Variants in WWOX observed in about 807,000 individuals in gnomAD.
The protein encoded by WWOX is WW domain containing oxidoreductase.
In WWOX, 69 loss-of-function variants were observed where a neutral mutation model predicts 46.2. The observed-to-expected ratio is 1.49, with a 90% CI of 1.23 to 1.82. WWOX has a LOEUF of 1.82. Among genes scored for constraint, WWOX ranks in the 40% most tolerant of loss-of-function variants. WWOX has a pLI of 0.00. For synonymous variants in WWOX, 359 were observed against 202.6 expected (o/e 1.77, Z -6.56); for missense variants, 919 against 542.6 (o/e 1.69, Z -6.89).
In WWOX at chr16:78,545,954, G is replaced by T. The variant is rs534658420; in HGVS notation, c.1056+113202G>T. Among the ~76,000 whole-genome samples, 5 of 152,224 alleles carry T rather than the reference G, an allele frequency of 3.3e-5. No individual in the cohort carries two copies. In the East Asian group the frequency reaches 9.7e-4, roughly 29 times the overall value. On this transcript the variant is annotated intron_variant, in intron 8 of 8. Transcript: ENST00000566780. ...ATTTAACTTAGTTACCCTTTCAAAG[G>T]CTTTGTCTTGAAATACAGTCACATG...
At chr16:78,851,304 T>C (rs2052437457) in intron 8 of WWOX, among the ~76,000 whole-genome samples, 1 of 152,162 alleles carries the variant, frequency 6.6e-6, no homozygotes, top group African/African-American at 2.4e-5. Flanking sequence ...AATTATCACA[T>C]AGTTTGAAAT....
chr16:79,039,977 C>T (rs539228822), intron 8 of WWOX, among the ~76,000 whole-genome samples: 2 of 152,150 alleles, frequency 1.3e-5, no homozygotes, highest in Non-Finnish European at 2.9e-5. Flanking sequence ...TACGATCATG[C>T]TGGTACATTT....
chr16:78,443,274 C>T (rs1007722945), intron 8 of WWOX, among the ~76,000 whole-genome samples: 1 of 151,860 alleles, frequency 6.6e-6, no homozygotes, highest in African/African-American at 2.4e-5. Flanking sequence ...CACTGCACTC[C>T]AGCCTGGGTG....
intron 8 of WWOX, among the ~76,000 whole-genome samples, chr16:78,780,078 G>A (rs2050286274): frequency 6.6e-6 from 1 of 152,220 alleles, no homozygotes; most frequent in Admixed American, 6.5e-5. Context: ...ATAAATTAAT[G>A]GTGTGGCCAT....
chr16:78,438,690 C>G (rs1441143261), intron 8 of WWOX, among the ~76,000 whole-genome samples: 1 of 152,128 alleles, frequency 6.6e-6, no homozygotes. Flanking sequence ...ACTGCATTTT[C>G]AAATCATTTT....
intron 8 of WWOX, among the ~76,000 whole-genome samples, chr16:78,773,584 C>T (rs985185652): frequency 6.6e-6 from 1 of 152,170 alleles, no homozygotes; most frequent in Non-Finnish European, 1.5e-5. Flanking sequence ...ATTCATAGCT[C>T]CGCACTCGTG....
At chr16:78,385,829 C>T (rs888211001) in intron 5 of WWOX, among the ~76,000 whole-genome samples, 2 of 152,188 alleles carry the variant, frequency 1.3e-5, no homozygotes, top group Non-Finnish European at 2.9e-5. Context: ...GCAGGTGGCC[C>T]TGTGTTCTTG....
chr16:78,726,071 T>TTCCCTCTCTCCCTCTTCCTCCCTCCC (rs2048824668), intron 8 of WWOX, among the ~76,000 whole-genome samples: 1 of 96,560 alleles, frequency 1.0e-5, no homozygotes, highest in Non-Finnish European at 2.2e-5. Context: ...CCTGCTTCCC[T>TTCCCTCTCTCCCTCTTCCTCCCTCCC]TCCCTCCCTC....
chr16:78,991,759 G>T (rs144903740), intron 8 of WWOX, among the ~76,000 whole-genome samples: 2 of 152,086 alleles, frequency 1.3e-5, no homozygotes. Flanking sequence ...AGGAAGGTGA[G>T]GGGCTTAACA....
intron 4 of WWOX, among the ~76,000 whole-genome samples, chr16:78,137,368 G>T (rs1021784617): frequency 6.6e-6 from 1 of 152,044 alleles, no homozygotes; most frequent in South Asian, 2.1e-4. Context: ...CTTTCACCCC[G>T]GAGTCTCAGT....
chr16:78,667,335 C>G (rs917859325), intron 8 of WWOX, among the ~76,000 whole-genome samples: 2 of 152,094 alleles, frequency 1.3e-5, no homozygotes, highest in South Asian at 2.1e-4. Flanking sequence ...TGGGTTATCT[C>G]AATATATATC....
At chr16:78,285,941 C>T (rs370839181) in intron 5 of WWOX, among the ~76,000 whole-genome samples, 5 of 152,276 alleles carry the variant, frequency 3.3e-5, no homozygotes, top group Admixed American at 6.5e-5. Flanking sequence ...TTATTACTTG[C>T]GACCTAAAGC....
At position 78,568,015 on chromosome 16, in the gene WWOX, G is replaced by A. The variant is rs115375938; in HGVS notation, c.1056+135263G>A. On this transcript the variant is annotated intron_variant, in intron 8 of 8. Transcript: ENST00000566780. ...ATCTAGAGCCTCTGTTCACTACTCC[G>A]CGAATTGAAGGCGGCAGGAGTCTTT... 5.1e-3 allele frequency among the ~76,000 whole-genome samples: 777 copies of A among 152,254 alleles called. 9 individuals carry two copies. The highest frequency in any genetic ancestry group is 0.018 in the African/African-American group (739 of 41,538).
At chr16:78,427,390 ACTT>A (rs2083107748) in intron 7 of WWOX, among the ~76,000 whole-genome samples, 1 of 152,150 alleles carries the variant, frequency 6.6e-6, no homozygotes, top group Non-Finnish European at 1.5e-5. Context: ...TGAGAAGTTG[ACTT>A]CTTTGCTGTG....
chr16:78,222,600 G>C (rs1208874883), intron 5 of WWOX, among the ~76,000 whole-genome samples: 1 of 152,150 alleles, frequency 6.6e-6, no homozygotes, highest in East Asian at 1.9e-4. Flanking sequence ...GACTCCCTGT[G>C]AACAGCACTT....
At chr16:78,272,772 A>G (rs4477719) in intron 5 of WWOX, among the ~76,000 whole-genome samples, 55,643 of 151,898 alleles carry the variant, frequency 0.37, 10,410 homozygotes, top group East Asian at 0.47. Flanking sequence ...CTAGTAATAA[A>G]ATCAGGATAA....
intron 6 of WWOX, among the ~76,000 whole-genome samples, chr16:78,392,859 TCA>T (rs1211568093): frequency 6.6e-6 from 1 of 152,176 alleles, no homozygotes; most frequent in African/African-American, 2.4e-5. Context: ...CTCTGTTTAC[TCA>T]CTCCCATTTT....
rs7196132 is a variant in WWOX at position 79,151,239 on chromosome 16, C to T, written c.1057-60369C>T. 2.0e-5 allele frequency among the ~76,000 whole-genome samples: 3 copies of T among 152,336 alleles called. No homozygotes were observed. In the East Asian group the frequency reaches 5.8e-4, roughly 29 times the overall value. ...CTGATCATTTGAAATCTGGAACATT[C>T]TTTCCTACGGTGGTTGACTTTTCAC... On this transcript the variant is annotated intron_variant, in intron 8 of 8. Transcript: ENST00000566780.
intron 5 of WWOX, among the ~76,000 whole-genome samples, chr16:78,320,837 G>C (rs577165081): frequency 3.0e-4 from 45 of 152,246 alleles, no homozygotes; most frequent in African/African-American, 1.1e-3. Context: ...ACTAACACAG[G>C]ATTTCTGTCT....
Sources: gnomAD v4.1 joint callset for allele counts (sites outside exome capture counted in the v4.1 genomes callset) on GRCh38, gnomAD v4.1.1 for gene constraint, MANE v1.5 for transcripts, NCBI Gene and HGNC (gene_info 2026-07-23, HGNC 2026-07-21) for gene names.